SNX8: variants seen among roughly 807,000 people sequenced by gnomAD.
SNX8 encodes sorting nexin-8.
Under a neutral mutation model 51.6 loss-of-function variants are expected in SNX8, and 25 were observed. The ratio of observed to expected loss-of-function variants is 0.48; its 90% CI spans 0.35 to 0.68. The LOEUF (loss-of-function observed/expected upper bound fraction) is 0.68. SNX8 is among the 30% of genes least tolerant of loss of function. The pLI, the probability that SNX8 is intolerant of heterozygous loss-of-function variation, is 0.00. For missense variants in SNX8, 695 were observed against 624.0 expected (o/e 1.11, Z -1.21); for synonymous variants, 324 against 277.0 (o/e 1.17, Z -1.68).
At chr7:2,301,244 C>T (rs1473299173) in intron 1 of SNX8, among the ~76,000 whole-genome samples, 1 of 152,200 alleles carries the variant, frequency 6.6e-6, no homozygotes, top group Admixed American at 6.6e-5. Context: ...AACAGAGACC[C>T]TCACAGGCCA....
upstream of SNX8, among the ~76,000 whole-genome samples, chr7:2,315,441 C>T (rs1275729036): frequency 6.6e-6 from 1 of 151,460 alleles, no homozygotes; most frequent in Non-Finnish European, 1.5e-5. Context: ...TCCACCCACT[C>T]ACTCATGCAC....
chr7:2,294,949 G>C (rs1796238065), intron 1 of SNX8, among the ~76,000 whole-genome samples: 1 of 152,152 alleles, frequency 6.6e-6, no homozygotes, highest in Non-Finnish European at 1.5e-5. Context: ...AGGATCACTT[G>C]AGCCCCAGGA....
intron 8 of SNX8, 38 bp downstream of exon 8, chr7:2,257,697 A>G: frequency 1.2e-6 from 2 of 1,605,776 alleles, no homozygotes; most frequent in Non-Finnish European, 8.5e-7. Flanking sequence ...ATCATTCCTG[A>G]AAGTTCTGCC....
intron 1 of SNX8, among the ~76,000 whole-genome samples, chr7:2,326,462 A>G (rs1178825541): frequency 5.9e-5 from 9 of 151,538 alleles, no homozygotes; most frequent in Non-Finnish European, 1.0e-4. Context: ...TCAGGAGATC[A>G]AGACCATCCT....
In SNX8 at chr7:2,253,705, G is replaced by GC. The variant is rs1395370311; in HGVS notation, c.*1350dup. ...CCAGAAGGCACGGCCGTTCCCTCTG[G>GC]CCGGCTCGCAGTGGACGATGGATCA... On this transcript the variant is annotated 3_prime_UTR_variant, in exon 11 of 11. Transcript: ENST00000222990. 2 of 152,300 alleles carry GC rather than the reference G, an allele frequency of 1.3e-5. No individual in the cohort carries two copies. The highest frequency in any genetic ancestry group is 2.9e-5 in the Non-Finnish European group (2 of 68,130). The allele number at this position is 152,300 out of a possible 1,614,324, so 9.4% of individuals were successfully genotyped here.
chr7:2,332,598 T>C (rs1778755370), intron 1 of SNX8, among the ~76,000 whole-genome samples: 1 of 151,286 alleles, frequency 6.6e-6, no homozygotes, highest in African/African-American at 2.4e-5. Context: ...TACCAAAAAT[T>C]TAAAAATCAG....
At chr7:2,342,188 T>C (rs190774072) in intron 1 of SNX8, among the ~76,000 whole-genome samples, 1 of 149,928 alleles carries the variant, frequency 6.7e-6, no homozygotes, top group African/African-American at 2.4e-5. Flanking sequence ...TCAAAAAAAA[T>C]AATAATAAAT....
At chr7:2,330,547 C>A (rs1386191325) in intron 1 of SNX8, among the ~76,000 whole-genome samples, 1 of 152,092 alleles carries the variant, frequency 6.6e-6, no homozygotes, top group African/African-American at 2.4e-5. Context: ...GGAACCTCAA[C>A]ATGAAGCCAG....
At chr7:2,349,967 C>A (rs759416426) in intron 1 of SNX8, among the ~76,000 whole-genome samples, 3 of 152,082 alleles carry the variant, frequency 2.0e-5, no homozygotes, top group African/African-American at 4.8e-5. Context: ...CCAGGCTACA[C>A]CCGGAGCCAC....
At chr7:2,302,781 C>T (rs1346772272) in intron 1 of SNX8, among the ~76,000 whole-genome samples, 1 of 151,766 alleles carries the variant, frequency 6.6e-6, no homozygotes, top group African/African-American at 2.4e-5. Context: ...AGGAGCGCCT[C>T]TGCCCGGCCG....
intron 5 of SNX8, 51 bp from the exon 6 acceptor site, chr7:2,264,509 T>C (rs1795419143): frequency 1.3e-6 from 2 of 1,561,870 alleles, no homozygotes; most frequent in Non-Finnish European, 1.7e-6. Flanking sequence ...GGGGAGCACC[T>C]GTCAGACGGC....
rs116250394 is a variant in SNX8 at position 2,306,929 on chromosome 7, A to G, written c.94+7399T>C. Among the ~76,000 whole-genome samples, 1,349 of 152,252 alleles carry G rather than the reference A, an allele frequency of 8.9e-3. 18 individuals are homozygous for G. Among genetic ancestry groups the G allele is most frequent in the African/African-American group, 0.031 (1,273 of 41,552 alleles). On this transcript the variant is annotated intron_variant, in intron 1 of 10. Transcript: ENST00000222990. The stretch of plus-strand genomic sequence containing the variant: ...ATAACGTAACTGGGCTTCTTGAAAG[A>G]TATTACCTAACCTGAGTTTCTCCGG...
At chr7:2,353,473 G>T (rs1779212446) in intron 1 of SNX8, among the ~76,000 whole-genome samples, 2 of 151,990 alleles carry the variant, frequency 1.3e-5, no homozygotes, top group South Asian at 4.1e-4. Context: ...TCGAAGACAG[G>T]GTCTCGCTAT....
At chr7:2,295,432 C>G (rs1207715679) in intron 1 of SNX8, among the ~76,000 whole-genome samples, 1 of 146,910 alleles carries the variant, frequency 6.8e-6, no homozygotes, top group South Asian at 2.1e-4. Flanking sequence ...AGGCCAGGCA[C>G]GGAGGCACAC....
chr7:2,278,057 T>TC lies in SNX8; in HGVS notation c.300+42dup, dbSNP rs778733531. On this transcript the variant is annotated intron_variant, in intron 2 of 10. Coordinates refer to ENST00000222990, the MANE Select transcript of SNX8 (RefSeq NM_013321.4). ...CCTGAGATGTTGAGACGTGACCCTT[T>TC]CTTCCCCCTCCTGCCCCGACACACA... is the stretch of plus-strand genomic sequence containing the variant. 4.0e-5 allele frequency: 64 copies of TC among 1,594,252 alleles called. No homozygotes were observed. The South Asian group carries it at 7.1e-4, about 18-fold the overall frequency.
At chr7:2,282,604 A>C (rs1795932450) in intron 1 of SNX8, among the ~76,000 whole-genome samples, 1 of 152,206 alleles carries the variant, frequency 6.6e-6, no homozygotes, top group South Asian at 2.1e-4. Context: ...GACAGTAACA[A>C]CACAGAGCAG....
intron 1 of SNX8, among the ~76,000 whole-genome samples, chr7:2,292,959 G>T (rs1478146305): frequency 1.6e-4 from 24 of 152,028 alleles, no homozygotes; most frequent in Admixed American, 1.6e-3. Flanking sequence ...GGTTGAGGCT[G>T]CAGTGAGCTA....
At chr7:2,344,244 G>A (rs1196823742) in intron 1 of SNX8, among the ~76,000 whole-genome samples, 2 of 151,756 alleles carry the variant, frequency 1.3e-5, no homozygotes, top group East Asian at 1.9e-4. Context: ...TACTTTGGGA[G>A]GCCAAGGTGG....
At chr7:2,285,020 G>C (rs1039379086) in intron 1 of SNX8, among the ~76,000 whole-genome samples, 1 of 151,936 alleles carries the variant, frequency 6.6e-6, no homozygotes, top group African/African-American at 2.4e-5. Flanking sequence ...AGACCATCCT[G>C]GCTAACACGA....
Sources: gnomAD v4.1 joint callset for allele counts (sites outside exome capture counted in the v4.1 genomes callset) on GRCh38, gnomAD v4.1.1 for gene constraint, MANE v1.5 for transcripts, NCBI Gene and HGNC (gene_info 2026-07-23, HGNC 2026-07-21) for gene names.